NKD1: variants seen among roughly 807,000 people sequenced by gnomAD.
The protein encoded by NKD1 is NKD inhibitor of Wnt signaling pathway 1.
Under a neutral mutation model 56.0 loss-of-function variants are expected in NKD1, and 21 were observed. The ratio of observed to expected loss-of-function variants is 0.38; its 90% CI spans 0.27 to 0.54. NKD1 has a LOEUF of 0.54. Among genes scored for constraint, NKD1 ranks in the 20% least tolerant of loss-of-function variants. The probability of loss-of-function intolerance (pLI) is 0.82; values close to 1 mark genes in which losing one functional copy is unlikely to be tolerated. For missense variants in NKD1, 578 were observed against 642.7 expected (o/e 0.90, Z 1.09); for synonymous variants, 263 against 265.7 (o/e 0.99, Z 0.10).
intron 7 of NKD1, among the ~76,000 whole-genome samples, chr16:50,630,556 G>T (rs1271884929): frequency 1.3e-5 from 2 of 152,120 alleles, no homozygotes; most frequent in East Asian, 3.9e-4. Flanking sequence ...CATGCAGCTG[G>T]AGTGAAGGCT....
At chr16:50,605,212 G>A (rs1019598946) in intron 3 of NKD1, among the ~76,000 whole-genome samples, 7 of 152,226 alleles carry the variant, frequency 4.6e-5, no homozygotes, top group Admixed American at 1.3e-4. Context: ...AGAGTCTCCC[G>A]TGAAGATCCC....
chr16:50,569,259 C>T (rs1016773211), intron 3 of NKD1, among the ~76,000 whole-genome samples: 1 of 152,250 alleles, frequency 6.6e-6, no homozygotes, highest in Non-Finnish European at 1.5e-5. Context: ...CTTCATGCTA[C>T]AGCGTTTTAG....
At chr16:50,552,731 G>C (rs1960417403) in intron 3 of NKD1, among the ~76,000 whole-genome samples, 1 of 152,234 alleles carries the variant, frequency 6.6e-6, no homozygotes. Flanking sequence ...TATAACTGTT[G>C]AACCTGGGAA....
intron 3 of NKD1, among the ~76,000 whole-genome samples, chr16:50,588,959 A>G (rs1961290047): frequency 6.6e-6 from 1 of 152,154 alleles, no homozygotes; most frequent in Admixed American, 6.5e-5. Context: ...ATGGGGAAGT[A>G]GCAACGTCTG....
chr16:50,634,084 A>C lies in NKD1; in HGVS notation c.*303A>C. The C allele has an allele frequency of 3.9e-6, 1 of 257,194 alleles. No homozygotes were observed. 15.9% of individuals were successfully genotyped at this position (257,194 alleles called of 1,614,324 possible). A position where few individuals can be genotyped will look rare whatever the true frequency, so the allele number is the denominator to read the frequency against. On this transcript the variant is annotated 3_prime_UTR_variant, in exon 10 of 10. Coordinates refer to ENST00000268459, the MANE Select transcript of NKD1 (RefSeq NM_033119.5). Reference sequence around the variant, plus strand: ...GCAGCATCTATGTGGATCAGCCCACACCCTTCCCAGAGCCAGGGAGCCCTT... The same window carrying C: ...GCAGCATCTATGTGGATCAGCCCACCCCCTTCCCAGAGCCAGGGAGCCCTT...
chr16:50,616,349 C>A (rs1249565315), intron 4 of NKD1, among the ~76,000 whole-genome samples: 1 of 152,172 alleles, frequency 6.6e-6, no homozygotes, highest in East Asian at 1.9e-4. Flanking sequence ...TCTCTTCTTT[C>A]CAAGTTTCAT....
In NKD1 at chr16:50,598,663, A is replaced by G. The variant is rs61298860; in HGVS notation, c.193-9631A>G. Among the ~76,000 whole-genome samples, 976 of 152,218 alleles carry G rather than the reference A, an allele frequency of 6.4e-3. 6 individuals carry two copies. Among genetic ancestry groups the G allele is most frequent in the African/African-American group, 0.022 (922 of 41,538 alleles). ...GCCGCCCCAGCTGCTTGGTGATCAG[A>G]GGCACGCCACAGGCCCTCGGGCCTC... On this transcript the variant is annotated intron_variant, in intron 3 of 9. Coordinates refer to ENST00000268459, the MANE Select transcript of NKD1 (RefSeq NM_033119.5). This position sits in a 1 kb window ranked among gnomAD's most constrained non-coding sequence, Gnocchi z 4.2.
intron 3 of NKD1, chr16:50,556,943 T>C (rs1272536113): frequency 2.0e-5 from 3 of 152,164 alleles, no homozygotes; most frequent in African/African-American, 7.2e-5. Flanking sequence ...AGGTAAATTG[T>C]GTGTCATGGG....
At chr16:50,593,129 G>C (rs1049685226) in intron 3 of NKD1, among the ~76,000 whole-genome samples, 1 of 152,082 alleles carries the variant, frequency 6.6e-6, no homozygotes, top group African/African-American at 2.4e-5. Context: ...CTCTCCCATC[G>C]CCCCACACCA....
chr16:50,567,381 T>A (rs926586310), intron 3 of NKD1, among the ~76,000 whole-genome samples: 3 of 152,148 alleles, frequency 2.0e-5, no homozygotes. Flanking sequence ...GGGGCGTGAT[T>A]GCCGTTTGTC....
In NKD1 at chr16:50,567,666, C is replaced by CGATCTCAA. The variant is rs1289688963; in HGVS notation, c.192+18112_192+18119dup. On this transcript the variant is annotated intron_variant, in intron 3 of 9. Coordinates refer to ENST00000268459, the MANE Select transcript of NKD1 (RefSeq NM_033119.5). ...TGTTATGGCCCTTTGGCAGAGTCCC[C>CGATCTCAA]GATCTCAACTGAGTCCTTTCTGGCC... 5.9e-5 allele frequency among the ~76,000 whole-genome samples: 9 copies of CGATCTCAA among 152,340 alleles called. No homozygotes were observed. In the East Asian group the frequency reaches 1.7e-3, roughly 29 times the overall value.
chr16:50,568,150 A>G (rs542220350), intron 3 of NKD1, among the ~76,000 whole-genome samples: 1 of 152,344 alleles, frequency 6.6e-6, no homozygotes, highest in Non-Finnish European at 1.5e-5. Flanking sequence ...GGAGTGGGTG[A>G]CATGAATTGG....
intron 4 of NKD1, among the ~76,000 whole-genome samples, chr16:50,610,978 C>T (rs1035718200): frequency 6.6e-6 from 1 of 152,180 alleles, no homozygotes; most frequent in Non-Finnish European, 1.5e-5. Context: ...CTCAGCTGAC[C>T]CAGCTGAGGT....
At chr16:50,596,076 A>G (rs747400731) in intron 3 of NKD1, among the ~76,000 whole-genome samples, 9 of 152,214 alleles carry the variant, frequency 5.9e-5, no homozygotes, top group South Asian at 2.1e-4. Context: ...CGCTGTCTGC[A>G]TTACACAGCC....
intron 3 of NKD1, among the ~76,000 whole-genome samples, chr16:50,595,316 TGTA>T (rs1961450546): frequency 1.3e-5 from 2 of 152,156 alleles, no homozygotes; most frequent in Admixed American, 6.5e-5. Context: ...CAAAAGGACT[TGTA>T]GTGGGGAGGT....
chr16:50,630,314 C>T lies in NKD1; in HGVS notation c.591C>T (p.Ser197=), dbSNP rs115579478. Residue 197 remains serine, a synonymous_variant, in exon 7 of 10, where the codon AGC becomes AGT. Transcript: ENST00000268459. ...VAPDGSQSKR[S]VLVNQADLQS... is the part of the protein sequence containing the mutation. ...CCGATGGCAGCCAGAGCAAGAGGAG[C>T]GTCCTTGTCAATCAGGCTGGTGAGG... The T allele has an allele frequency of 9.0e-5, 146 of 1,614,130 alleles. No individual in the cohort carries two copies. The East Asian group carries it at 2.1e-3, about 23-fold the overall frequency.
chr16:50,633,090 C>T lies in NKD1; in HGVS notation c.824-102C>T. ...GGGCAGTCAGGGCATTGGGGGGTAG[C>T]TCTGGTTTTGGAGAACTGGGGGCGG... On this transcript the variant is annotated intron_variant, in intron 9 of 9. Transcript: ENST00000268459. This position sits in a 1 kb window ranked among gnomAD's most constrained non-coding sequence, Gnocchi z 4.9. 1 of 1,094,264 alleles carries T rather than the reference C, an allele frequency of 9.1e-7. No homozygotes were observed. The highest frequency in any genetic ancestry group is 1.3e-6 in the Non-Finnish European group (1 of 786,484). The allele number at this position is 1,094,264 out of a possible 1,614,324, so 67.8% of individuals were successfully genotyped here.
intron 3 of NKD1, among the ~76,000 whole-genome samples, chr16:50,581,103 A>ACTTAGCTC (rs1961106157): frequency 1.3e-5 from 2 of 152,358 alleles, no homozygotes; most frequent in East Asian, 3.9e-4. Context: ...TATTTAAATA[A>ACTTAGCTC]CTTAGCTCCT....
chr16:50,549,251 C>T (rs1960317927), intron 2 of NKD1, among the ~76,000 whole-genome samples, 171 bp from the exon 3 acceptor site: 1 of 151,506 alleles, frequency 6.6e-6, no homozygotes, highest in South Asian at 2.1e-4. Flanking sequence ...TCGCTGAACC[C>T]CCCTTTACTT....
Sources: allele counts gnomAD v4.1 joint callset (sites outside exome capture counted in the v4.1 genomes callset), GRCh38; gene constraint gnomAD v4.1.1; non-coding constraint Gnocchi (gnomAD v3.1); transcripts MANE v1.5; gene names NCBI Gene and HGNC (gene_info 2026-07-23, HGNC 2026-07-21).